PTPRD: variants seen among roughly 807,000 people sequenced by gnomAD.
The protein encoded by PTPRD is receptor-type tyrosine-protein phosphatase delta.
Under a neutral mutation model 214.5 loss-of-function variants are expected in PTPRD, and 34 were observed. The ratio of observed to expected loss-of-function variants is 0.16; its 90% CI spans 0.12 to 0.21. The LOEUF is 0.21. Among genes scored for constraint, PTPRD ranks in the 10% least tolerant of loss-of-function variants. The probability of loss-of-function intolerance (pLI) is 1.00; values close to 1 mark genes in which losing one functional copy is unlikely to be tolerated. For synonymous variants in PTPRD, 1,128 were observed against 845.7 expected (o/e 1.33, Z -5.79); for missense variants, 2,545 against 2,398.7 (o/e 1.06, Z -1.27).
At chr9:9,485,570 G>T (rs1281207105) in intron 8 of PTPRD, among the ~76,000 whole-genome samples, 3 of 152,038 alleles carry the variant, frequency 2.0e-5, no homozygotes, top group South Asian at 2.1e-4. Flanking sequence ...TTGCTTAGTA[G>T]ATAATCTAGT....
chr9:9,200,558 G>A (rs2099941279), intron 9 of PTPRD, among the ~76,000 whole-genome samples: 2 of 152,156 alleles, frequency 1.3e-5, no homozygotes, highest in Non-Finnish European at 2.9e-5. Context: ...CCAACACTCA[G>A]AGAATAAAGC....
chr9:8,939,471 G>T (rs902947912), intron 11 of PTPRD, among the ~76,000 whole-genome samples: 1 of 151,934 alleles, frequency 6.6e-6, no homozygotes, highest in African/African-American at 2.4e-5. Context: ...TTAGAATAAA[G>T]TATTATTTTT....
chr9:9,599,957 A>G (rs112414604), intron 7 of PTPRD, among the ~76,000 whole-genome samples: 5 of 152,210 alleles, frequency 3.3e-5, no homozygotes, highest in African/African-American at 1.2e-4. Flanking sequence ...TAATATTGTT[A>G]CCATCTCAAT....
chr9:10,580,258 C>T (rs2071244640), intron 2 of PTPRD, among the ~76,000 whole-genome samples: 1 of 152,166 alleles, frequency 6.6e-6, no homozygotes, highest in Admixed American at 6.5e-5. Context: ...CATTTCAGCA[C>T]ATCTTAGCTA....
At chr9:10,269,628 G>T (rs1330503208) in intron 3 of PTPRD, among the ~76,000 whole-genome samples, 1 of 152,014 alleles carries the variant, frequency 6.6e-6, no homozygotes, top group Admixed American at 6.6e-5. Context: ...GTGAAGGTGG[G>T]TACCTTCCAG....
At chr9:8,550,262 C>A (rs764522524) in intron 14 of PTPRD, among the ~76,000 whole-genome samples, 12 of 152,012 alleles carry the variant, frequency 7.9e-5, no homozygotes, top group Non-Finnish European at 1.3e-4. Context: ...AGTATAGATA[C>A]CTTACATGTA....
chr9:8,583,155 C>A (rs778444271), intron 14 of PTPRD, among the ~76,000 whole-genome samples: 1 of 152,144 alleles, frequency 6.6e-6, no homozygotes, highest in Non-Finnish European at 1.5e-5. Flanking sequence ...ACACAGTTTA[C>A]GATAGGTTTT....
At chr9:9,728,797 A>G (rs2098135721) in intron 7 of PTPRD, among the ~76,000 whole-genome samples, 1 of 152,180 alleles carries the variant, frequency 6.6e-6, no homozygotes, top group Non-Finnish European at 1.5e-5. Flanking sequence ...TCCTATTAGA[A>G]AGTAGACCAT....
chr9:10,035,129 T>C (rs561302273), intron 3 of PTPRD, among the ~76,000 whole-genome samples: 1 of 152,282 alleles, frequency 6.6e-6, no homozygotes, highest in Admixed American at 6.5e-5. Context: ...TTTTTGACTT[T>C]TAATAATAGC....
chr9:9,821,111 T>C (rs2050566474), intron 5 of PTPRD, among the ~76,000 whole-genome samples: 1 of 152,200 alleles, frequency 6.6e-6, no homozygotes. Context: ...TCCATGAGCA[T>C]AAATTTTTTC....
At chr9:10,552,868 A>G (rs2061643497) in intron 2 of PTPRD, among the ~76,000 whole-genome samples, 1 of 152,198 alleles carries the variant, frequency 6.6e-6, no homozygotes, top group African/African-American at 2.4e-5. Context: ...AAGGAAACCT[A>G]TTCTTGTCCT....
At chr9:10,574,418 C>A (rs988809500) in intron 2 of PTPRD, among the ~76,000 whole-genome samples, 7 of 152,176 alleles carry the variant, frequency 4.6e-5, no homozygotes, top group African/African-American at 7.2e-5. Flanking sequence ...TTACTGTACT[C>A]TGAGGTAGTC....
chr9:9,209,441 G>A (rs2099947117), intron 9 of PTPRD, among the ~76,000 whole-genome samples: 1 of 152,120 alleles, frequency 6.6e-6, no homozygotes, highest in Admixed American at 6.5e-5. Context: ...GACATTATAA[G>A]GTAATTGAAA....
At chr9:8,884,819 G>T (rs182638102) in intron 11 of PTPRD, among the ~76,000 whole-genome samples, 5 of 152,158 alleles carry the variant, frequency 3.3e-5, no homozygotes, top group African/African-American at 9.7e-5. Context: ...CATTTCACAA[G>T]TATCTGTGGA....
intron 14 of PTPRD, among the ~76,000 whole-genome samples, chr9:8,544,930 T>G (rs527448048): frequency 6.6e-6 from 1 of 151,046 alleles, no homozygotes; most frequent in Non-Finnish European, 1.5e-5. Flanking sequence ...GGAGGCACTT[T>G]TGTATCAAAG....
chr9:8,506,525 TCCCAGCTCTG>T (rs948057445), intron 22 of PTPRD, among the ~76,000 whole-genome samples: 1 of 152,170 alleles, frequency 6.6e-6, no homozygotes, highest in African/African-American at 2.4e-5. Context: ...TAGACTCAAA[TCCCAGCTCTG>T]CCATCCACTA....
chr9:9,947,016 G>C (rs2092654267), intron 4 of PTPRD, among the ~76,000 whole-genome samples: 1 of 151,346 alleles, frequency 6.6e-6, no homozygotes. Flanking sequence ...GTGAAGATCA[G>C]AAAATGCCTT....
At chr9:9,140,077 T>C (rs1373354695) in intron 10 of PTPRD, among the ~76,000 whole-genome samples, 2 of 151,662 alleles carry the variant, frequency 1.3e-5, no homozygotes, top group Non-Finnish European at 1.5e-5. Flanking sequence ...CCAAAGTCAA[T>C]GAGCAGTTTG....
chr9:8,601,716 C>T (rs1236651139), intron 14 of PTPRD, among the ~76,000 whole-genome samples: 2 of 152,176 alleles, frequency 1.3e-5, no homozygotes, highest in African/African-American at 4.8e-5. Context: ...TATTGTTTTT[C>T]CTACTGATTG....
Sources: gnomAD v4.1 joint callset for allele counts (sites outside exome capture counted in the v4.1 genomes callset) on GRCh38, gnomAD v4.1.1 for gene constraint, MANE v1.5 for transcripts, NCBI Gene and HGNC (gene_info 2026-07-23, HGNC 2026-07-21) for gene names.